Variants in CBLB observed in about 807,000 individuals in gnomAD.
CBLB encodes the protein Cbl proto-oncogene B.
Under a neutral mutation model 104.9 loss-of-function variants are expected in CBLB, and 31 were observed. The ratio of observed to expected loss-of-function variants is 0.30; its 90% confidence interval spans 0.22 to 0.40. CBLB has a LOEUF of 0.40. Ranked by LOEUF, CBLB falls within the 10% of genes least tolerant of loss-of-function variation. The pLI is 1.00. For synonymous variants in CBLB, 440 were observed against 422.6 expected, an observed-to-expected ratio of 1.04 and a Z score of -0.51; for missense variants, 1,062 against 1,214.6, an observed-to-expected ratio of 0.87 and a Z score of 1.87.
At chr3:105,795,461 T>C (rs1482388552) in intron 3 of CBLB, among the ~76,000 whole-genome samples, 2 of 152,192 alleles carry the variant, frequency 1.3e-5, no homozygotes, top group African/African-American at 2.4e-5. Context: ...TGCATAAATA[T>C]GTGGATAGAT....
At position 105,657,936 on chromosome 3, in the gene CBLB, G is replaced by C. The variant is rs951236951; in HGVS notation, c.*1034C>G. 1.4e-5 allele frequency: 3 copies of C among 211,792 alleles called. No individual in the cohort carries two copies. The highest frequency in any genetic ancestry group is 6.8e-5 in the African/African-American group (3 of 44,216). 13.1% of individuals were successfully genotyped at this position (211,792 alleles called of 1,614,324 possible). ...GTTCCCACAGCTCTTAGGAGATAGA[G>C]TGTAATCACTTAAATGGGAAATGAA... On this transcript the variant is annotated 3_prime_UTR_variant, in exon 19 of 19. Coordinates refer to ENST00000394030, the MANE Select transcript of CBLB (RefSeq NM_170662.5).
intron 12 of CBLB, among the ~76,000 whole-genome samples, chr3:105,698,031 C>T (rs2068605573): frequency 6.6e-6 from 1 of 151,926 alleles, no homozygotes; most frequent in South Asian, 2.1e-4. Flanking sequence ...AAATCTGAGA[C>T]TTTCAGAGAA....
intron 1 of CBLB, 130 bp from the exon 2 acceptor site, chr3:105,867,721 T>G: frequency 2.7e-6 from 2 of 741,580 alleles, no homozygotes; most frequent in Non-Finnish European, 4.6e-6. Flanking sequence ...AAGTTCCGGA[T>G]TCATCTTTAT....
At chr3:105,781,513 CTAAT>C (rs1244405678) in intron 3 of CBLB, among the ~76,000 whole-genome samples, 2 of 151,736 alleles carry the variant, frequency 1.3e-5, no homozygotes, top group African/African-American at 4.9e-5. Context: ...GTAATCTGCT[CTAAT>C]TATAGCCATC....
intron 3 of CBLB, among the ~76,000 whole-genome samples, chr3:105,787,376 TCTGCC>T (rs745560467): frequency 2.6e-5 from 4 of 152,172 alleles, no homozygotes; most frequent in Non-Finnish European, 4.4e-5. Context: ...TAGACACAAC[TCTGCC>T]CTTCACACTA....
In CBLB at chr3:105,656,408, A is replaced by T. The variant is rs9657913; in HGVS notation, c.*2562T>A. ...GCAGTCGCTTTTACAATAAAAAAAA[A>T]TTTTTTTAGGTTTAATTTCATAGGT... On this transcript the variant is annotated 3_prime_UTR_variant, in exon 19 of 19. Coordinates refer to ENST00000394030, the MANE Select transcript of CBLB (RefSeq NM_170662.5). 45,239 of 196,434 alleles carry T rather than the reference A, an allele frequency of 0.23. 5,633 individuals are homozygous for T. Among genetic ancestry groups the T allele is most frequent in the Admixed American group, 0.27 (4,353 of 16,404 alleles). The allele number at this position is 196,434 out of a possible 1,614,324, so 12.2% of individuals were successfully genotyped here. A position where few individuals can be genotyped will look rare whatever the true frequency, so the allele number is the denominator to read the frequency against.
In CBLB at chr3:105,841,845, T is replaced by C. The variant is rs1050643043; in HGVS notation, c.419+11569A>G. ...TTCAAAACTGAGAACATGAGATACA[T>C]TATGGTTTTTAAGAAAGAACAGAAC... is the stretch of plus-strand genomic sequence containing the variant. On this transcript the variant is annotated intron_variant, in intron 3 of 18. Transcript: ENST00000394030. Among the ~76,000 whole-genome samples the C allele has an allele frequency of 3.3e-5, 5 of 152,138 alleles. No individual in the cohort carries two copies. The East Asian group carries it at 7.7e-4, about 23-fold the overall frequency.
At chr3:105,776,626 A>C in intron 3 of CBLB, 84 bp from the exon 4 acceptor site, 1 of 1,261,602 alleles carries the variant, frequency 7.9e-7, no homozygotes, top group Non-Finnish European at 1.1e-6. Flanking sequence ...TATTAAGACA[A>C]ACAATGTTAT....
At chr3:105,738,517 C>T (rs1262845480) in intron 7 of CBLB, among the ~76,000 whole-genome samples, 1 of 151,172 alleles carries the variant, frequency 6.6e-6, no homozygotes, top group Non-Finnish European at 1.5e-5. Flanking sequence ...TAAAAATTGG[C>T]CATTTAAAAA....
chr3:105,745,775 A>G (rs368825559), intron 6 of CBLB, 142 bp downstream of exon 6: 2 of 712,478 alleles, frequency 2.8e-6, no homozygotes, highest in East Asian at 2.6e-5. Context: ...TTATGTTAAG[A>G]AGCACCATTT....
chr3:105,677,293 T>C (rs1268807640), intron 17 of CBLB, among the ~76,000 whole-genome samples: 13 of 151,030 alleles, frequency 8.6e-5, no homozygotes, highest in Non-Finnish European at 1.8e-4. Context: ...AAGTTGTACG[T>C]CCATAACTTG....
At chr3:105,828,603 C>G (rs1409611079) in intron 3 of CBLB, among the ~76,000 whole-genome samples, 1 of 152,002 alleles carries the variant, frequency 6.6e-6, no homozygotes, top group Non-Finnish European at 1.5e-5. Flanking sequence ...ATTTTAGTTC[C>G]ACACATTTTT....
chr3:105,853,692 G>A, intron 2 of CBLB, 28 bp from the exon 3 acceptor site: 1 of 1,474,864 alleles, frequency 6.8e-7, no homozygotes, highest in Non-Finnish European at 9.3e-7. Flanking sequence ...AATAAAATAA[G>A]TCATAATATT....
chr3:105,678,157 T>A (rs1428415386), intron 17 of CBLB, among the ~76,000 whole-genome samples: 2 of 152,192 alleles, frequency 1.3e-5, no homozygotes, highest in African/African-American at 4.8e-5. Flanking sequence ...CAGGGTTGCA[T>A]TTGTAACATA....
intron 3 of CBLB, among the ~76,000 whole-genome samples, chr3:105,795,060 C>T (rs766623167): frequency 2.6e-5 from 4 of 151,942 alleles, no homozygotes; most frequent in African/African-American, 4.8e-5. Flanking sequence ...ACTACAGACA[C>T]GCACCACCAC....
chr3:105,786,587 T>C (rs893896302), intron 3 of CBLB, among the ~76,000 whole-genome samples: 3 of 152,194 alleles, frequency 2.0e-5, no homozygotes, highest in African/African-American at 7.2e-5. Flanking sequence ...ATTTTTTCCA[T>C]ATCCTTCCCC....
upstream of CBLB, chr3:105,869,031 A>G (rs1560611937): frequency 1.2e-6 from 1 of 865,904 alleles, no homozygotes; most frequent in Non-Finnish European, 1.5e-6. Context: ...CCTGTGGCAC[A>G]CACAGGACCC....
chr3:105,786,688 T>C (rs1560237414), intron 3 of CBLB, among the ~76,000 whole-genome samples: 1 of 152,184 alleles, frequency 6.6e-6, no homozygotes, highest in Non-Finnish European at 1.5e-5. Flanking sequence ...AGTCTAAAAT[T>C]GCTTTAAACA....
At chr3:105,810,967 TC>T (rs912078496) in intron 3 of CBLB, among the ~76,000 whole-genome samples, 2 of 152,144 alleles carry the variant, frequency 1.3e-5, no homozygotes, top group Non-Finnish European at 2.9e-5. Context: ...ATGTTTAAAA[TC>T]CATTAGTTCT....
Sources: gnomAD v4.1 joint callset for allele counts (sites outside exome capture counted in the v4.1 genomes callset) on GRCh38, gnomAD v4.1.1 for gene constraint, MANE v1.5 for transcripts, NCBI Gene and HGNC (gene_info 2026-07-23, HGNC 2026-07-21) for gene names.